The following TRPC3 variants were observed in gnomAD, a reference collection of about 807,000 sequenced individuals.
TRPC3 encodes transient receptor potential cation channel subfamily C member 3, also known as short transient receptor potential channel 3.
Under a neutral mutation model 90.9 loss-of-function variants are expected in TRPC3, and 54 were observed. The observed-to-expected ratio is 0.59, with a 90% CI of 0.48 to 0.75. The LOEUF (loss-of-function observed/expected upper bound fraction) is 0.75. Ranked by LOEUF, TRPC3 falls within the 30% of genes least tolerant of loss-of-function variation. TRPC3 has a pLI of 0.00. For missense variants in TRPC3, 918 were observed against 1,194.5 expected (o/e 0.77, Z 3.41); for synonymous variants, 424 against 450.9 (o/e 0.94, Z 0.75).
At chr4:121,941,981 T>C (rs13123547) in intron 1 of TRPC3, among the ~76,000 whole-genome samples, 72,004 of 151,842 alleles carry the variant, frequency 0.47, 18,201 homozygotes, top group East Asian at 0.6. Context: ...TCATACCTAC[T>C]TCTCAGCCTG....
At chr4:121,921,064 T>C (rs1029172509) in intron 3 of TRPC3, among the ~76,000 whole-genome samples, 3 of 152,210 alleles carry the variant, frequency 2.0e-5, no homozygotes, top group Non-Finnish European at 4.4e-5. Flanking sequence ...TCTGGTGTTT[T>C]ATATATTCAT....
chr4:121,888,565 T>TG (rs1560685957), intron 10 of TRPC3, among the ~76,000 whole-genome samples: 6 of 151,796 alleles, frequency 4.0e-5, no homozygotes, highest in Non-Finnish European at 8.8e-5. Flanking sequence ...AAGTTCTGTT[T>TG]TTTTTTTTTT....
At position 121,914,903 on chromosome 4, in the gene TRPC3, G is replaced by A. The variant is rs147693852; in HGVS notation, c.1218C>T (p.Ile406=). 4.0e-5 allele frequency: 64 copies of A among 1,611,724 alleles called. No homozygotes were observed. In the African/African-American group the frequency reaches 7.1e-4, roughly 18 times the overall value. ...TTAGGCCTGAGAGGTTCTCATACCA[G>A]ATCGTCAAGAGCTGCTGCTGGCAGT... The part of the protein sequence containing the change: ...HPNCQQQLLT[I]WYENLSGLRE... Residue 406 remains isoleucine, a synonymous_variant, in exon 4 of 12, where the codon ATC becomes ATT. Coordinates refer to ENST00000379645, the MANE Select transcript of TRPC3 (RefSeq NM_001130698.2).
In TRPC3 at chr4:121,875,096, A is replaced by G. The variant is rs1727728416; in HGVS notation, c.*4640T>C. 6.6e-6 allele frequency among the ~76,000 whole-genome samples: 1 copy of G among 151,098 alleles called. No individual in the cohort carries two copies. On this transcript the variant is annotated 3_prime_UTR_variant, in exon 12 of 12. Transcript: ENST00000379645. ...TCTTAAAAAATAGTTCATACAAATT[A>G]ATAATGAAGAAATACTATGGTTCTA...
chr4:121,891,065 T>C (rs781213323), intron 10 of TRPC3, among the ~76,000 whole-genome samples: 20 of 152,112 alleles, frequency 1.3e-4, no homozygotes, highest in Non-Finnish European at 2.1e-4. Context: ...GAACAATCAA[T>C]ACCAAGTTGT....
At chr4:121,924,889 C>G in intron 3 of TRPC3, 129 bp downstream of exon 3, 1 of 1,013,358 alleles carries the variant, frequency 9.9e-7, no homozygotes, top group Non-Finnish European at 1.4e-6. Flanking sequence ...TGTACAGACA[C>G]AGTCTCATTA....
Position 121,951,752 on chromosome 4 carries a change from C to G in TRPC3, c.-72G>C. On this transcript the variant is annotated 5_prime_UTR_variant, in exon 1 of 12. Coordinates refer to ENST00000379645, the MANE Select transcript of TRPC3 (RefSeq NM_001130698.2). This position sits in a 1 kb window ranked among gnomAD's most constrained non-coding sequence, Gnocchi z 4.4. ...TCCGCCTTCGCGGCAGTGCAGTCTT[C>G]CCGCGGCGCCCCTTCACCACCTCCC... The G allele has an allele frequency of 1.7e-6, 2 of 1,208,724 alleles. No homozygotes were observed. The highest frequency in any genetic ancestry group is 1.1e-6 in the Non-Finnish European group (1 of 943,564). The allele number at this position is 1,208,724 out of a possible 1,614,324, so 74.9% of individuals were successfully genotyped here.
Position 121,879,890 on chromosome 4 carries a change from A to T in TRPC3, c.2624-12T>A, listed in dbSNP as rs971090955. 6.6e-7 allele frequency: 1 copy of T among 1,520,024 alleles called. No individual in the cohort carries two copies. Among genetic ancestry groups the T allele is most frequent in the Non-Finnish European group, 8.8e-7 (1 of 1,142,728 alleles). 94.2% of individuals were successfully genotyped at this position (1,520,024 alleles called of 1,614,324 possible). On this transcript the variant is annotated splice_polypyrimidine_tract_variant and intron_variant, in intron 11 of 11. Transcript: ENST00000379645. The stretch of plus-strand genomic sequence containing the variant: ...TTCTTTTAATTCACCTATAGTATTG[A>T]TATTAAAAAATTATTGGTAAGTTGC...
rs1022847939 is a variant in TRPC3 at position 121,910,454 on chromosome 4, TCCA to T, written c.1559-70_1559-68del. 4 of 1,284,444 alleles carry T rather than the reference TCCA, an allele frequency of 3.1e-6. No homozygotes were observed. The African/African-American group carries it at 5.8e-5, about 19-fold the overall frequency. 79.6% of individuals were successfully genotyped at this position (1,284,444 alleles called of 1,614,324 possible). On this transcript the variant is annotated intron_variant, in intron 5 of 11. Coordinates refer to ENST00000379645, the MANE Select transcript of TRPC3 (RefSeq NM_001130698.2). ...GCCAGACTGAGAAGCCATTATTGTG[TCCA>T]CCATCAGGTCACATCTCTACCCTAC...
intron 10 of TRPC3, among the ~76,000 whole-genome samples, chr4:121,887,150 T>C (rs1287808523): frequency 6.6e-6 from 1 of 152,174 alleles, no homozygotes; most frequent in African/African-American, 2.4e-5. Context: ...CATACTCATG[T>C]TCTCTGGGCC....
chr4:121,906,953 C>T (rs1439624470), intron 7 of TRPC3, among the ~76,000 whole-genome samples: 1 of 152,060 alleles, frequency 6.6e-6, no homozygotes, highest in Non-Finnish European at 1.5e-5. Context: ...AAAGCTGATG[C>T]TTCCTTTTTG....
intron 1 of TRPC3, among the ~76,000 whole-genome samples, chr4:121,934,909 AG>A (rs1260457845): frequency 6.6e-6 from 1 of 152,256 alleles, no homozygotes; most frequent in Non-Finnish European, 1.5e-5. Flanking sequence ...GCAAGGACAC[AG>A]TGCTGTGACT....
intron 1 of TRPC3, chr4:121,933,584 G>A (rs1465862934): frequency 6.6e-6 from 1 of 152,074 alleles, no homozygotes; most frequent in Non-Finnish European, 1.5e-5. Context: ...CAGGATCTTA[G>A]TTTCATCTTT....
At chr4:121,937,858 T>C (rs897922475) in intron 1 of TRPC3, among the ~76,000 whole-genome samples, 2 of 152,194 alleles carry the variant, frequency 1.3e-5, no homozygotes, top group African/African-American at 4.8e-5. Flanking sequence ...AAATTATTTC[T>C]CACACAGATT....
In TRPC3 at chr4:121,932,164, T is replaced by A; in HGVS notation, c.987+107A>T. ...TTCTCAGTCCCTCGTGATTTCACAT[T>A]CACTGGGCAAAACCGAATGTGGAGC... On this transcript the variant is annotated intron_variant, in intron 2 of 11. Coordinates refer to ENST00000379645, the MANE Select transcript of TRPC3 (RefSeq NM_001130698.2). This position sits in a 1 kb window ranked among gnomAD's most constrained non-coding sequence, Gnocchi z 7.7. The A allele has an allele frequency of 6.6e-7, 1 of 1,510,370 alleles. No individual in the cohort carries two copies. The highest frequency in any genetic ancestry group is 8.9e-7 in the Non-Finnish European group (1 of 1,125,846). The allele number at this position is 1,510,370 out of a possible 1,614,324, so 93.6% of individuals were successfully genotyped here. A position where few individuals can be genotyped will look rare whatever the true frequency, so the allele number is the denominator to read the frequency against.
At position 121,917,708 on chromosome 4, in the gene TRPC3, G is replaced by T. The variant is rs949281780; in HGVS notation, c.1177-2764C>A. ...GGTACAAGTATCTTGATATTTGGAG[G>T]ATCTGCATTTGTGGGAAGTTAGACA... On this transcript the variant is annotated intron_variant, in intron 3 of 11. Coordinates refer to ENST00000379645, the MANE Select transcript of TRPC3 (RefSeq NM_001130698.2). Among the ~76,000 whole-genome samples the T allele has an allele frequency of 2.0e-5, 3 of 152,300 alleles. No individual in the cohort carries two copies. The South Asian group carries it at 6.2e-4, about 32-fold the overall frequency.
Position 121,876,168 on chromosome 4 carries a change from C to T in TRPC3, c.*3568G>A, listed in dbSNP as rs112074937. On this transcript the variant is annotated 3_prime_UTR_variant, in exon 12 of 12. Transcript: ENST00000379645. The stretch of plus-strand genomic sequence containing the variant: ...CCTGCTTCAACGTCCCAAAGTGCTG[C>T]GATTACAGGTGTGCACCACTGTGCC... Among the ~76,000 whole-genome samples, 317 of 151,882 alleles carry T rather than the reference C, an allele frequency of 2.1e-3. No individual in the cohort carries two copies. Among genetic ancestry groups the T allele is most frequent in the African/African-American group, 7.2e-3 (296 of 41,372 alleles).
At position 121,879,440 on chromosome 4, in the gene TRPC3, G is replaced by C. The variant is rs200012955; in HGVS notation, c.*296C>G. ...CCCAAGGAACTGATAGTCTCTTGGAGGCAAACAGGTAGTGCAAAGATGTGG... is the reference window on the plus strand; with the variant it reads ...CCCAAGGAACTGATAGTCTCTTGGACGCAAACAGGTAGTGCAAAGATGTGG... On this transcript the variant is annotated 3_prime_UTR_variant, in exon 12 of 12. Transcript: ENST00000379645. The C allele has an allele frequency of 6.9e-5, 20 of 289,068 alleles. No individual in the cohort carries two copies. The highest frequency in any genetic ancestry group is 1.2e-4 in the Non-Finnish European group (19 of 156,178). 17.9% of individuals were successfully genotyped at this position (289,068 alleles called of 1,614,324 possible).
At chr4:121,899,058 A>G (rs973704093) in intron 10 of TRPC3, among the ~76,000 whole-genome samples, 1 of 152,216 alleles carries the variant, frequency 6.6e-6, no homozygotes, top group African/African-American at 2.4e-5. Flanking sequence ...CGAAATGATC[A>G]ACGAGATGAA....
Sources: gnomAD v4.1 joint callset for allele counts (sites outside exome capture counted in the v4.1 genomes callset) on GRCh38, gnomAD v4.1.1 for gene constraint, Gnocchi (gnomAD v3.1) non-coding constraint, MANE v1.5 for transcripts, NCBI Gene and HGNC (gene_info 2026-07-23, HGNC 2026-07-21) for gene names.